The following ST6GALNAC3 variants were observed in gnomAD, a reference collection of about 807,000 sequenced individuals.
The protein encoded by ST6GALNAC3 is alpha-N-acetylgalactosaminide alpha-2,6-sialyltransferase 3.
ST6GALNAC3 carries 25 observed loss-of-function variants against 32.7 expected under a neutral mutation model. The observed-to-expected ratio is 0.76, with a 90% CI of 0.56 to 1.07. The LOEUF is 1.07. Ranked by LOEUF, ST6GALNAC3 falls within the 50% of genes least tolerant of loss-of-function variation. The pLI, the probability that ST6GALNAC3 is intolerant of heterozygous loss-of-function variation, is 0.00. For missense variants in ST6GALNAC3, 355 were observed against 382.4 expected (o/e 0.93, Z 0.60); for synonymous variants, 129 against 133.1 (o/e 0.97, Z 0.21).
intron 3 of ST6GALNAC3, among the ~76,000 whole-genome samples, chr1:76,614,338 A>T (rs778523166): frequency 1.6e-4 from 25 of 152,184 alleles, no homozygotes; most frequent in Non-Finnish European, 3.2e-4. Flanking sequence ...CTTCTAATGG[A>T]ATTCTCAAAC....
rs1358094310 is a variant in ST6GALNAC3, at chr1:76,631,584, T to G, written c.*2778T>G. 1 of 152,072 alleles carries G rather than the reference T, an allele frequency of 6.6e-6. No individual in the cohort carries two copies. Among genetic ancestry groups the G allele is most frequent in the Non-Finnish European group, 1.5e-5 (1 of 67,984 alleles). The allele number at this position is 152,072 out of a possible 1,614,324, so 9.4% of individuals were successfully genotyped here. ...ACATTTCTGATCAATTCCCACAGAT[T>G]CTGGTCAAATGAAAGATATTCTATC... On this transcript the variant is annotated 3_prime_UTR_variant, in exon 5 of 5. Coordinates refer to ENST00000328299, the MANE Select transcript of ST6GALNAC3 (RefSeq NM_152996.4).
intron 1 of ST6GALNAC3, among the ~76,000 whole-genome samples, chr1:76,222,300 G>A (rs1242822279): frequency 6.6e-6 from 1 of 152,078 alleles, no homozygotes; most frequent in Non-Finnish European, 1.5e-5. Context: ...AAAAGCCTTG[G>A]AAGATAACCT....
At chr1:76,478,351 G>A (rs2101646519) in intron 3 of ST6GALNAC3, among the ~76,000 whole-genome samples, 1 of 152,284 alleles carries the variant, frequency 6.6e-6, no homozygotes, top group Non-Finnish European at 1.5e-5. Flanking sequence ...ACTGTATGGT[G>A]GACTACCTGT....
chr1:76,192,899 G>T (rs1361187320), intron 1 of ST6GALNAC3, among the ~76,000 whole-genome samples: 3 of 152,206 alleles, frequency 2.0e-5, no homozygotes, highest in Non-Finnish European at 4.4e-5. Context: ...GGGAACTGGG[G>T]ACTTTTGTTT....
At chr1:76,505,721 A>C (rs963834012) in intron 3 of ST6GALNAC3, among the ~76,000 whole-genome samples, 7 of 152,188 alleles carry the variant, frequency 4.6e-5, no homozygotes, top group African/African-American at 1.4e-4. Context: ...GTGTTGTATC[A>C]TATATTAAAA....
chr1:76,398,311 A>G (rs748610320), intron 2 of ST6GALNAC3, among the ~76,000 whole-genome samples: 8 of 152,196 alleles, frequency 5.3e-5, no homozygotes, highest in African/African-American at 7.2e-5. Context: ...ACTTTTCCCA[A>G]TATATTTGTC....
chr1:76,226,535 T>C (rs182162762), intron 1 of ST6GALNAC3, among the ~76,000 whole-genome samples: 9 of 152,244 alleles, frequency 5.9e-5, no homozygotes, highest in African/African-American at 1.9e-4. Flanking sequence ...GAGTGGGAAA[T>C]TTATAAAGAA....
At chr1:76,469,010 A>G (rs565280567) in intron 3 of ST6GALNAC3, among the ~76,000 whole-genome samples, 8 of 152,152 alleles carry the variant, frequency 5.3e-5, no homozygotes, top group Admixed American at 6.6e-5. Context: ...TTAAAAGAGA[A>G]AGCCTCACCA....
chr1:76,449,904 G>T (rs546733761), intron 3 of ST6GALNAC3, among the ~76,000 whole-genome samples: 1 of 152,120 alleles, frequency 6.6e-6, no homozygotes, highest in South Asian at 2.1e-4. Flanking sequence ...TAAGATTTTG[G>T]TGCACCCATC....
chr1:76,421,991 C>A (rs1001541443), intron 3 of ST6GALNAC3, among the ~76,000 whole-genome samples: 1 of 151,856 alleles, frequency 6.6e-6, no homozygotes, highest in South Asian at 2.1e-4. Flanking sequence ...ATTTTCCTTA[C>A]CTTGTTCTAT....
intron 2 of ST6GALNAC3, among the ~76,000 whole-genome samples, chr1:76,396,413 C>T (rs1162722896): frequency 6.6e-6 from 1 of 152,086 alleles, no homozygotes; most frequent in East Asian, 1.9e-4. Context: ...TGCAGTGAGT[C>T]GAGATGGGGC....
intron 2 of ST6GALNAC3, among the ~76,000 whole-genome samples, chr1:76,363,215 C>G (rs556321278): frequency 6.6e-6 from 1 of 152,306 alleles, no homozygotes; most frequent in Admixed American, 6.5e-5. Flanking sequence ...AACAGCTGGG[C>G]CACATATCGT....
intron 3 of ST6GALNAC3, among the ~76,000 whole-genome samples, chr1:76,516,453 A>G (rs1324827904): frequency 6.6e-6 from 1 of 152,090 alleles, no homozygotes; most frequent in Non-Finnish European, 1.5e-5. Flanking sequence ...TTTGCTATTA[A>G]TGAGTATATA....
At chr1:76,532,292 A>T (rs1421793866) in intron 3 of ST6GALNAC3, among the ~76,000 whole-genome samples, 1 of 152,206 alleles carries the variant, frequency 6.6e-6, no homozygotes, top group Non-Finnish European at 1.5e-5. Context: ...AAAGTAGCCA[A>T]ACAAATCACG....
intron 2 of ST6GALNAC3, among the ~76,000 whole-genome samples, chr1:76,341,698 TTTCTTTCC>T (rs1359597665): frequency 1.3e-5 from 2 of 148,280 alleles, no homozygotes; most frequent in African/African-American, 5.0e-5. Context: ...TCTTTCTTTC[TTTCTTTCC>T]TTCTTTCTTT....
chr1:76,361,471 A>C (rs1412540386), intron 2 of ST6GALNAC3, among the ~76,000 whole-genome samples: 1 of 152,110 alleles, frequency 6.6e-6, no homozygotes, highest in Non-Finnish European at 1.5e-5. Context: ...TTAACCATTC[A>C]TCTGTCTATA....
intron 3 of ST6GALNAC3, among the ~76,000 whole-genome samples, chr1:76,479,630 C>T (rs1659594279): frequency 6.6e-6 from 1 of 152,138 alleles, no homozygotes; most frequent in East Asian, 1.9e-4. Context: ...AACACACTCC[C>T]ATGATAACTC....
At chr1:76,113,611 A>C (rs1183251874) in intron 1 of ST6GALNAC3, among the ~76,000 whole-genome samples, 1 of 151,604 alleles carries the variant, frequency 6.6e-6, no homozygotes, top group Non-Finnish European at 1.5e-5. Context: ...TAATGACCTC[A>C]TCTCATCTAG....
chr1:76,110,869 T>C (rs1647881512), intron 1 of ST6GALNAC3, among the ~76,000 whole-genome samples: 1 of 152,234 alleles, frequency 6.6e-6, no homozygotes, highest in African/African-American at 2.4e-5. Context: ...AAGACATTAG[T>C]GTCTGGGAAC....
Sources: allele counts gnomAD v4.1 joint callset (sites outside exome capture counted in the v4.1 genomes callset), GRCh38; gene constraint gnomAD v4.1.1; transcripts MANE v1.5; gene names NCBI Gene and HGNC (gene_info 2026-07-23, HGNC 2026-07-21).